The following NDUFB6 variants were observed in gnomAD, a reference collection of about 807,000 sequenced individuals.
The protein encoded by NDUFB6 is NADH:ubiquinone oxidoreductase subunit B6.
A neutral mutation model predicts 17.5 loss-of-function variants in NDUFB6; 23 were observed. The observed-to-expected ratio is 1.31, with a 90% CI of 0.94 to 1.86. The LOEUF is 1.86. Among genes scored for constraint, NDUFB6 ranks in the 40% most tolerant of loss-of-function variants. NDUFB6 has a pLI of 0.00. For missense variants in NDUFB6, 167 were observed against 153.8 expected (o/e 1.09, Z -0.46); for synonymous variants, 60 against 53.5 (o/e 1.12, Z -0.53).
chr9:32,558,278 AT>A (rs1238514622), intron 3 of NDUFB6, among the ~76,000 whole-genome samples: 1 of 151,854 alleles, frequency 6.6e-6, no homozygotes, highest in East Asian at 1.9e-4. Flanking sequence ...CGCCCAGCTA[AT>A]TTTTTGTATT....
chr9:32,565,820 A>G lies in NDUFB6; in HGVS notation c.273+5140T>C, dbSNP rs1587647400. Among the ~76,000 whole-genome samples, 3 of 152,192 alleles carry G rather than the reference A, an allele frequency of 2.0e-5. No individual in the cohort carries two copies. The Middle Eastern group carries it at 0.01, about 518-fold the overall frequency. ...AACCCTGTCTCTACTAAAAATACAA[A>G]AATTAGCCAGGCATGGTGGCACATA... is the stretch of plus-strand genomic sequence containing the variant. On this transcript the variant is annotated intron_variant, in intron 2 of 3. Coordinates refer to ENST00000379847, the MANE Select transcript of NDUFB6 (RefSeq NM_002493.5).
intron 2 of NDUFB6, among the ~76,000 whole-genome samples, chr9:32,569,236 T>C (rs1224332936): frequency 2.0e-5 from 3 of 152,128 alleles, no homozygotes; most frequent in Non-Finnish European, 4.4e-5. Context: ...TTTTTCTTTT[T>C]TGAGACGGAG....
intron 2 of NDUFB6, among the ~76,000 whole-genome samples, chr9:32,559,852 G>A (rs1821578687): frequency 6.6e-6 from 1 of 152,118 alleles, no homozygotes; most frequent in African/African-American, 2.4e-5. Context: ...GACTCAATCT[G>A]CTCTGTTCAC....
chr9:32,570,549 A>T (rs1209309535), intron 2 of NDUFB6, among the ~76,000 whole-genome samples: 4 of 152,212 alleles, frequency 2.6e-5, no homozygotes, highest in Admixed American at 6.5e-5. Flanking sequence ...AATTGTGAAG[A>T]ATCAGATAAA....
rs201078099 is a variant in NDUFB6 at position 32,567,095 on chromosome 9, C to T, written c.273+3865G>A. On this transcript the variant is annotated intron_variant, in intron 2 of 3. Transcript: ENST00000379847. Reference sequence around the variant, plus strand: ...AAACTTCCTCGGGCTGCACAGGGCCCGCAGCTTCACAGTCTTGTGCTTCTG... The same window carrying T: ...AAACTTCCTCGGGCTGCACAGGGCCTGCAGCTTCACAGTCTTGTGCTTCTG... 1,069 of 485,536 alleles carry T rather than the reference C, an allele frequency of 2.2e-3. 4 individuals carry two copies. The highest frequency in any genetic ancestry group is 6.9e-3 in the Admixed American group (298 of 43,100). The allele number at this position is 485,536 out of a possible 1,614,324, so 30.1% of individuals were successfully genotyped here.
intron 2 of NDUFB6, among the ~76,000 whole-genome samples, chr9:32,560,581 T>G (rs1488994007): frequency 2.0e-5 from 3 of 152,236 alleles, no homozygotes; most frequent in Admixed American, 6.5e-5. Context: ...AGGTTTAGGA[T>G]TCTAGTTAAA....
intron 2 of NDUFB6, among the ~76,000 whole-genome samples, chr9:32,563,853 C>T (rs2119019803): frequency 6.6e-6 from 1 of 152,260 alleles, no homozygotes; most frequent in East Asian, 1.9e-4. Flanking sequence ...TTCAAACTGC[C>T]CAGGCAGGAG....
At chr9:32,566,268 T>A (rs1192283581) in intron 2 of NDUFB6, 1 of 1,130,920 alleles carries the variant, frequency 8.8e-7, no homozygotes, top group African/African-American at 1.5e-5. Context: ...TAATTTTAGG[T>A]TCTCTGAGGT....
chr9:32,570,917 T>A, intron 2 of NDUFB6, 43 bp downstream of exon 2: 1 of 1,371,704 alleles, frequency 7.3e-7, no homozygotes, highest in Non-Finnish European at 1.0e-6. Context: ...AGAAAGTAAT[T>A]TTGGACAATA....
chr9:32,553,090 T>G lies in NDUFB6; in HGVS notation c.*786A>C, dbSNP rs555600334. The G allele has an allele frequency of 2.0e-6, 1 of 507,990 alleles. No homozygotes were observed. Among genetic ancestry groups the G allele is most frequent in the Non-Finnish European group, 3.5e-6 (1 of 287,612 alleles). 31.5% of individuals were successfully genotyped at this position (507,990 alleles called of 1,614,324 possible). On this transcript the variant is annotated 3_prime_UTR_variant, in exon 4 of 4. Coordinates refer to ENST00000379847, the MANE Select transcript of NDUFB6 (RefSeq NM_002493.5). ...TTAGAGATTTTAGTATTTTACATTC[T>G]CATGACAAAATTAACAGCAACCTAA...
At chr9:32,564,659 C>T (rs1350794202) in intron 2 of NDUFB6, among the ~76,000 whole-genome samples, 1 of 152,126 alleles carries the variant, frequency 6.6e-6, no homozygotes, top group African/African-American at 2.4e-5. Context: ...CTGTTCAGAT[C>T]AGCGTTTCCT....
chr9:32,570,920 G>T, intron 2 of NDUFB6, 40 bp downstream of exon 2: 2 of 1,377,300 alleles, frequency 1.5e-6, no homozygotes. Context: ...AAGTAATTTT[G>T]GACAATATTA....
In NDUFB6 at chr9:32,558,970, ACT is replaced by A; in HGVS notation, c.274-18_274-17del. 1.3e-6 allele frequency: 2 copies of A among 1,556,748 alleles called. No individual in the cohort carries two copies. Among genetic ancestry groups the A allele is most frequent in the Non-Finnish European group, 1.8e-6 (2 of 1,133,682 alleles). On this transcript the variant is annotated splice_polypyrimidine_tract_variant and intron_variant, in intron 2 of 3. Coordinates refer to ENST00000379847, the MANE Select transcript of NDUFB6 (RefSeq NM_002493.5). Reference sequence around the variant, plus strand: ...ATGGTTTTTCCTGTAATAAAAGTTAACTCTGTGTTAATTATGGTGTTAAGAGT... The same window carrying A: ...ATGGTTTTTCCTGTAATAAAAGTTAACTGTGTTAATTATGGTGTTAAGAGT...
chr9:32,570,183 C>T (rs1338980570), intron 2 of NDUFB6, among the ~76,000 whole-genome samples: 1 of 152,186 alleles, frequency 6.6e-6, no homozygotes, highest in East Asian at 1.9e-4. Flanking sequence ...ATGTCCTCCT[C>T]CCTCTGCTCA....
intron 3 of NDUFB6, among the ~76,000 whole-genome samples, chr9:32,558,446 T>C (rs1193174203): frequency 2.6e-5 from 4 of 152,218 alleles, no homozygotes; most frequent in African/African-American, 9.6e-5. Flanking sequence ...TTAGTGGATA[T>C]TAAATTCACA....
chr9:32,567,572 A>G (rs974360314), intron 2 of NDUFB6: 3 of 386,446 alleles, frequency 7.8e-6, no homozygotes, highest in African/African-American at 2.1e-5. Context: ...TGATTTGCCC[A>G]CCTCAGCCTC....
intron 3 of NDUFB6, among the ~76,000 whole-genome samples, chr9:32,555,019 TGATTTGAGAGG>T (rs1320330343): frequency 2.0e-5 from 3 of 151,968 alleles, no homozygotes; most frequent in Non-Finnish European, 2.9e-5. Flanking sequence ...AAAAAGTGGC[TGATTTGAGAGG>T]CGACATAAAA....
intron 2 of NDUFB6, chr9:32,567,047 C>T (rs756301272): frequency 3.4e-5 from 17 of 497,386 alleles, no homozygotes; most frequent in Middle Eastern, 3.4e-4. Context: ...CAGCATCTCC[C>T]GGCAGCTCCT....
rs1418804535 is a variant in NDUFB6 at position 32,553,963 on chromosome 9, A to G, written c.319-19T>C. ...TATCACCCTAGGAAAACAAAGATACAGTTAGTACAAAAATCTTAAGTCTAC... is the reference window on the plus strand; with the variant it reads ...TATCACCCTAGGAAAACAAAGATACGGTTAGTACAAAAATCTTAAGTCTAC... On this transcript the variant is annotated intron_variant, in intron 3 of 3. Transcript: ENST00000379847. 6.6e-7 allele frequency: 1 copy of G among 1,504,746 alleles called. No homozygotes were observed. Among genetic ancestry groups the G allele is most frequent in the African/African-American group, 1.4e-5 (1 of 71,850 alleles). 93.2% of individuals were successfully genotyped at this position (1,504,746 alleles called of 1,614,324 possible).
Sources: gnomAD v4.1 joint callset for allele counts (sites outside exome capture counted in the v4.1 genomes callset) on GRCh38, gnomAD v4.1.1 for gene constraint, MANE v1.5 for transcripts, NCBI Gene and HGNC (gene_info 2026-07-23, HGNC 2026-07-21) for gene names.